Variants in FAF1 observed in about 807,000 individuals in gnomAD.
FAF1 encodes Fas associated factor 1, also known as FAS-associated factor 1.
In FAF1, 25 loss-of-function variants were observed where a neutral mutation model predicts 92.5. That is an observed-to-expected ratio of 0.27 (90% CI 0.20 to 0.38). The LOEUF is 0.38. FAF1 is among the 10% of genes least tolerant of loss of function. The pLI is 1.00. For synonymous variants in FAF1, 234 were observed against 273.2 expected (o/e 0.86, Z 1.42); for missense variants, 636 against 793.3 (o/e 0.80, Z 2.38).
intron 8 of FAF1, among the ~76,000 whole-genome samples, chr1:50,604,367 C>T (rs1054505587): frequency 6.6e-6 from 1 of 152,202 alleles, no homozygotes; most frequent in Non-Finnish European, 1.5e-5. Flanking sequence ...TTTCTCCTCA[C>T]AAGATAAGGG....
chr1:50,955,943 GA>G (rs1435445858), intron 1 of FAF1, among the ~76,000 whole-genome samples: 2 of 152,052 alleles, frequency 1.3e-5, no homozygotes, highest in Non-Finnish European at 2.9e-5. Context: ...TAGAAGAGTC[GA>G]ATTCAGAGAT....
At chr1:50,538,122 AT>A (rs1474075507) in intron 14 of FAF1, among the ~76,000 whole-genome samples, 1 of 151,646 alleles carries the variant, frequency 6.6e-6, no homozygotes, top group Non-Finnish European at 1.5e-5. Flanking sequence ...AAAAAAAAAA[AT>A]CACAGAAAAC....
intron 8 of FAF1, among the ~76,000 whole-genome samples, chr1:50,620,469 T>C (rs956011153): frequency 6.6e-6 from 1 of 152,252 alleles, no homozygotes; most frequent in African/African-American, 2.4e-5. Flanking sequence ...ATCATTTTGC[T>C]AGATTCCTTG....
At chr1:50,712,854 T>C (rs1156687139) in intron 6 of FAF1, among the ~76,000 whole-genome samples, 1 of 151,912 alleles carries the variant, frequency 6.6e-6, no homozygotes, top group East Asian at 1.9e-4. Flanking sequence ...TTAAGCCACC[T>C]TGGAGCAGTC....
Position 50,491,814 on chromosome 1 carries a change from G to C in FAF1, c.1495-13C>G. ...CTTCACGTTCATCCTTAAAGAAAAAGATTCAAATATTTTTTGACATATAAC... is the reference window on the plus strand; with the variant it reads ...CTTCACGTTCATCCTTAAAGAAAAACATTCAAATATTTTTTGACATATAAC... On this transcript the variant is annotated splice_polypyrimidine_tract_variant and intron_variant, in intron 15 of 18. Coordinates refer to ENST00000396153, the MANE Select transcript of FAF1 (RefSeq NM_007051.3). 1 of 1,586,888 alleles carries C rather than the reference G, an allele frequency of 6.3e-7. No homozygotes were observed. The highest frequency in any genetic ancestry group is 8.6e-7 in the Non-Finnish European group (1 of 1,166,978).
chr1:50,743,931 C>T (rs1158819999), intron 5 of FAF1, among the ~76,000 whole-genome samples: 2 of 151,876 alleles, frequency 1.3e-5, no homozygotes, highest in Admixed American at 6.6e-5. Flanking sequence ...ATTAGCTGGG[C>T]GTGGTGGCAC....
chr1:50,788,100 T>C lies in FAF1; in HGVS notation c.267A>G (p.Pro89=), dbSNP rs1047632976. ...GTTGCCTTTCTACAATCTGCCTGGA[T>C]GGCATTACAGGTCGAAACGCTGAAG... ...SSSSAFRPVM[P]SRQIVERQPR... The change falls in exon 4 of 19, where the codon CCA becomes CCG. Residue 89 remains proline (P), a synonymous_variant. Transcript: ENST00000396153. 2.5e-6 allele frequency: 4 copies of C among 1,614,124 alleles called. No homozygotes were observed. In the Admixed American group the frequency reaches 6.7e-5, roughly 27 times the overall value.
At chr1:50,722,414 C>T (rs764956626) in intron 6 of FAF1, among the ~76,000 whole-genome samples, 1 of 151,996 alleles carries the variant, frequency 6.6e-6, no homozygotes. Flanking sequence ...TTTGGGAGGC[C>T]GAGGTGGGTG....
At chr1:50,522,694 A>G (rs1647565772) in intron 15 of FAF1, among the ~76,000 whole-genome samples, 1 of 152,226 alleles carries the variant, frequency 6.6e-6, no homozygotes, top group South Asian at 2.1e-4. Flanking sequence ...TCCAGCCCAT[A>G]GTAACCTGTC....
chr1:50,567,379 C>T (rs1650221724), intron 12 of FAF1, 148 bp from the exon 13 acceptor site: 1 of 510,030 alleles, frequency 2.0e-6, no homozygotes, highest in Non-Finnish European at 3.2e-6. Flanking sequence ...TTTGGAGTTC[C>T]TAAAGCATCT....
intron 1 of FAF1, among the ~76,000 whole-genome samples, chr1:50,942,433 A>G (rs925442671): frequency 2.0e-5 from 3 of 152,070 alleles, no homozygotes; most frequent in African/African-American, 7.2e-5. Flanking sequence ...GTTGTAAACC[A>G]CACTGTATTT....
At chr1:50,846,850 C>T (rs1258619216) in intron 2 of FAF1, 1 of 574,792 alleles carries the variant, frequency 1.7e-6, no homozygotes, top group African/African-American at 1.9e-5. Flanking sequence ...TGAGAAGATT[C>T]ACCAGGAATT....
chr1:50,945,860 A>G (rs1227267588), intron 1 of FAF1, among the ~76,000 whole-genome samples: 1 of 152,266 alleles, frequency 6.6e-6, no homozygotes, highest in Non-Finnish European at 1.5e-5. Context: ...TTCTGTCCAG[A>G]GAACAGAGCA....
chr1:50,763,788 C>A (rs948140115), intron 4 of FAF1, among the ~76,000 whole-genome samples: 1 of 152,034 alleles, frequency 6.6e-6, no homozygotes. Flanking sequence ...TCCAAATGAC[C>A]AATGGATTTT....
At chr1:50,959,522 T>G (rs1354058082) in intron 1 of FAF1, 2 of 304,262 alleles carry the variant, frequency 6.6e-6, no homozygotes, top group African/African-American at 4.4e-5. Context: ...ACACACATTG[T>G]AACCCAAGTC....
At chr1:50,851,596 TG>T (rs1473288295) in intron 2 of FAF1, among the ~76,000 whole-genome samples, 1 of 152,188 alleles carries the variant, frequency 6.6e-6, no homozygotes, top group Non-Finnish European at 1.5e-5. Context: ...CATTCAACCA[TG>T]GGCACCAGCG....
intron 18 of FAF1, among the ~76,000 whole-genome samples, chr1:50,445,256 C>A (rs1035944952): frequency 6.6e-6 from 1 of 152,104 alleles, no homozygotes; most frequent in Admixed American, 6.6e-5. Flanking sequence ...GCTGAGTCCC[C>A]AAAGTCCATT....
At chr1:50,642,379 G>A (rs531588580) in intron 8 of FAF1, among the ~76,000 whole-genome samples, 34 of 152,074 alleles carry the variant, frequency 2.2e-4, no homozygotes, top group Non-Finnish European at 4.6e-4. Context: ...GGCCAGGCAC[G>A]GTGGCTCACA....
intron 8 of FAF1, among the ~76,000 whole-genome samples, chr1:50,616,821 C>CAA (rs1652935087): frequency 6.6e-6 from 1 of 152,026 alleles, no homozygotes; most frequent in African/African-American, 2.4e-5. Context: ...GCTGGGATTA[C>CAA]AAGCATGCGC....
Sources: allele counts gnomAD v4.1 joint callset (sites outside exome capture counted in the v4.1 genomes callset), GRCh38; gene constraint gnomAD v4.1.1; transcripts MANE v1.5; gene names NCBI Gene and HGNC (gene_info 2026-07-23, HGNC 2026-07-21).